The following PRTN3 variants were observed in gnomAD, a reference collection of about 807,000 sequenced individuals.
The protein encoded by PRTN3 is myeloblastin.
Under a neutral mutation model 20.7 loss-of-function variants are expected in PRTN3, and 22 were observed. The observed-to-expected ratio is 1.06, with a 90% confidence interval of 0.76 to 1.52. PRTN3 has a LOEUF of 1.52. Ranked by LOEUF, PRTN3 falls within the 40% of genes most tolerant of loss-of-function variation. The pLI is 0.00. For synonymous variants in PRTN3, 173 were observed against 152.9 expected, an observed-to-expected ratio of 1.13 and a Z score of -0.97; for missense variants, 378 against 359.6, an observed-to-expected ratio of 1.05 and a Z score of -0.41.
rs60024623 is a variant in PRTN3 at position 846,538 on chromosome 19, G to A, written c.600+161G>A. Among the ~76,000 whole-genome samples the A allele has an allele frequency of 6.0e-3, 913 of 151,684 alleles. 10 individuals are homozygous for A. The highest frequency in any genetic ancestry group is 0.022 in the African/African-American group (885 of 40,968). On this transcript the variant is annotated intron_variant, in intron 4 of 4. Transcript: ENST00000234347. ...CCAACACCCAACGGGCAGGCTCAGC[G>A]GGGTGGGGGCGCTCACATTGCACCT...
intron 1 of PRTN3, among the ~76,000 whole-genome samples, chr19:841,917 C>T (rs62132297): frequency 2.0e-5 from 3 of 151,094 alleles, no homozygotes; most frequent in African/African-American, 4.9e-5. Flanking sequence ...TTTGTAGAGA[C>T]GGGGTTTCAA....
intron 2 of PRTN3, 80 bp downstream of exon 2, chr19:843,706 C>G (rs2035475589): frequency 1.3e-6 from 2 of 1,491,824 alleles, no homozygotes; most frequent in South Asian, 2.6e-5. Context: ...TCCCTCTGCC[C>G]GGGGAGGACC....
chr19:843,715 C>T, intron 2 of PRTN3, 89 bp downstream of exon 2: 1 of 1,476,274 alleles, frequency 6.8e-7, no homozygotes, highest in Non-Finnish European at 9.0e-7. Flanking sequence ...CCGGGGAGGA[C>T]CCAGCTAAGC....
chr19:841,156 T>G, intron 1 of PRTN3, 87 bp downstream of exon 1: 1 of 1,502,970 alleles, frequency 6.7e-7, no homozygotes, highest in South Asian at 1.2e-5. Flanking sequence ...TCCAAAGCCC[T>G]TCTGGCACAG....
intron 1 of PRTN3, among the ~76,000 whole-genome samples, chr19:842,440 G>A (rs1421069826): frequency 3.4e-5 from 1 of 29,470 alleles, no homozygotes; most frequent in Non-Finnish European, 6.0e-5. Flanking sequence ...TTTTTTTTGA[G>A]ACAGAATCTC....
At chr19:844,946 A>T (rs1255220614) in intron 3 of PRTN3, among the ~76,000 whole-genome samples, 19 of 123,112 alleles carry the variant, frequency 1.5e-4, no homozygotes, top group East Asian at 9.7e-4. Context: ...TATAAAAGAC[A>T]TTTTTTTTTT....
At chr19:847,741 A>G (rs1245995625) in intron 4 of PRTN3, 58 bp from the exon 5 acceptor site, 2 of 1,536,690 alleles carry the variant, frequency 1.3e-6, no homozygotes, top group African/African-American at 1.4e-5. Context: ...GGCCGTCCCC[A>G]TCCTCCAGGG....
At position 846,525 on chromosome 19, in the gene PRTN3, G is replaced by A. The variant is rs968571487; in HGVS notation, c.600+148G>A. 1.4e-5 allele frequency: 12 copies of A among 849,806 alleles called. 1 individual carries two copies. Among genetic ancestry groups the A allele is most frequent in the Middle Eastern group, 3.5e-4 (1 of 2,852 alleles). 52.6% of individuals were successfully genotyped at this position (849,806 alleles called of 1,614,324 possible). On this transcript the variant is annotated intron_variant, in intron 4 of 4. Coordinates refer to ENST00000234347, the MANE Select transcript of PRTN3 (RefSeq NM_002777.4). ...AAGGTGGGCACACCCAACACCCAAC[G>A]GGCAGGCTCAGCGGGGTGGGGGCGC...
chr19:846,412 T>G, intron 4 of PRTN3, 35 bp downstream of exon 4: 1 of 1,537,770 alleles, frequency 6.5e-7, no homozygotes, highest in Non-Finnish European at 8.8e-7. Context: ...GGCACCGGGC[T>G]GCCATGAGGG....
chr19:847,299 C>A (rs2035528750), intron 4 of PRTN3, among the ~76,000 whole-genome samples: 1 of 151,260 alleles, frequency 6.6e-6, no homozygotes, highest in African/African-American at 2.4e-5. Context: ...AGAGCGAGAC[C>A]CTGTCTCGAG....
chr19:847,788 C>A lies in PRTN3; in HGVS notation c.601-11C>A. ...GCCCCTGATGGGTGACTGGCCGTCC[C>A]TGTCCTCCAGGGAGACTCAGGTGGC... On this transcript the variant is annotated splice_polypyrimidine_tract_variant and intron_variant, in intron 4 of 4. Transcript: ENST00000234347. 1 of 1,603,710 alleles carries A rather than the reference C, an allele frequency of 6.2e-7. No homozygotes were observed. Among genetic ancestry groups the A allele is most frequent in the East Asian group, 2.2e-5 (1 of 44,702 alleles).
chr19:843,724 G>T, intron 2 of PRTN3, 98 bp downstream of exon 2: 1 of 1,472,858 alleles, frequency 6.8e-7, no homozygotes, highest in Non-Finnish European at 9.0e-7. Context: ...ACCCAGCTAA[G>T]CCCCGTCTGC....
chr19:841,164 C>G, intron 1 of PRTN3, 95 bp downstream of exon 1: 6 of 1,477,362 alleles, frequency 4.1e-6, no homozygotes, highest in South Asian at 2.4e-5. Context: ...CCTTCTGGCA[C>G]AGCTGGGGAA....
Position 843,405 on chromosome 19 carries a change from T to A in PRTN3, c.62-56T>A. ...GAGAGGCCCAGGGGCTGCTCTGCCA[T>A]CCCCCCTTTCCCTGCAGCCTGGGGG... On this transcript the variant is annotated intron_variant, in intron 1 of 4. Transcript: ENST00000234347. The A allele has an allele frequency of 2.0e-6, 3 of 1,472,690 alleles. No homozygotes were observed. The South Asian group carries it at 3.9e-5, about 19-fold the overall frequency. 91.2% of individuals were successfully genotyped at this position (1,472,690 alleles called of 1,614,324 possible).
chr19:848,106 C>T lies in PRTN3; in HGVS notation c.*137C>T. On this transcript the variant is annotated 3_prime_UTR_variant, in exon 5 of 5. Transcript: ENST00000234347. ...CCACCCGTCCCCCCACACTCCCTCCCACGGGGCTCCGGGAGACAGGCCGGC... is the reference window on the plus strand; with the variant it reads ...CCACCCGTCCCCCCACACTCCCTCCTACGGGGCTCCGGGAGACAGGCCGGC... The T allele has an allele frequency of 8.8e-7, 1 of 1,137,962 alleles. No individual in the cohort carries two copies. Among genetic ancestry groups the T allele is most frequent in the African/African-American group, 1.6e-5 (1 of 64,044 alleles). The allele number at this position is 1,137,962 out of a possible 1,614,324, so 70.5% of individuals were successfully genotyped here. A position where few individuals can be genotyped will look rare whatever the true frequency, so the allele number is the denominator to read the frequency against.
At chr19:843,346 C>A in intron 1 of PRTN3, 115 bp from the exon 2 acceptor site, 1 of 1,183,892 alleles carries the variant, frequency 8.4e-7, no homozygotes, top group Non-Finnish European at 1.1e-6. Context: ...CCAGCAGGCA[C>A]TGACCGGGTT....
Position 847,977 on chromosome 19 carries a change from C to A in PRTN3, c.*8C>A. 6.3e-7 allele frequency: 1 copy of A among 1,593,998 alleles called. No homozygotes were observed. Among genetic ancestry groups the A allele is most frequent in the East Asian group, 2.3e-5 (1 of 44,160 alleles). On this transcript the variant is annotated 3_prime_UTR_variant, in exon 5 of 5. Transcript: ENST00000234347. ...GCCAAGGGCCGCCCCTGAACCGCCCCTCCCACAGCGCTGGCCGGGACCCCG... is the reference window on the plus strand; with the variant it reads ...GCCAAGGGCCGCCCCTGAACCGCCCATCCCACAGCGCTGGCCGGGACCCCG...
At chr19:847,758 A>G in intron 4 of PRTN3, 41 bp from the exon 5 acceptor site, 1 of 1,570,818 alleles carries the variant, frequency 6.4e-7, no homozygotes, top group Non-Finnish European at 8.7e-7. Context: ...AGGGAGACTC[A>G]GGTGGCCCCT....
In PRTN3 at chr19:841,518, GAATGAGTGAATGAATC is replaced by G. The variant is rs1183248648; in HGVS notation, c.61+459_61+474del. Among the ~76,000 whole-genome samples the G allele has an allele frequency of 8.5e-4, 122 of 144,086 alleles. 1 individual carries two copies. Among genetic ancestry groups the G allele is most frequent in the Non-Finnish European group, 1.6e-3 (108 of 66,352 alleles). 94.5% of individuals were successfully genotyped at this position (144,086 alleles called of 152,430 possible). ...TGAATGAGTGAATGAGTGAACGAATGAATGAGTGAATGAATCAATGAGTGAGTGAATGAATGAGTGA... is the reference window on the plus strand; with the variant it reads ...TGAATGAGTGAATGAGTGAACGAATGAATGAGTGAGTGAATGAATGAGTGA... On this transcript the variant is annotated intron_variant, in intron 1 of 4. Transcript: ENST00000234347.
Sources: allele counts gnomAD v4.1 joint callset (sites outside exome capture counted in the v4.1 genomes callset), GRCh38; gene constraint gnomAD v4.1.1; transcripts MANE v1.5; gene names NCBI Gene and HGNC (gene_info 2026-07-23, HGNC 2026-07-21).